Variants in IL16 observed in about 807,000 individuals in gnomAD.
The protein encoded by IL16 is interleukin 16.
IL16 carries 67 observed loss-of-function variants against 110.1 expected under a neutral mutation model. The ratio of observed to expected loss-of-function variants is 0.61; its 90% CI spans 0.50 to 0.75. The LOEUF is 0.75. Among genes scored for constraint, IL16 ranks in the 30% least tolerant of loss-of-function variants. The probability of loss-of-function intolerance (pLI) is 0.00; values close to 1 mark genes in which losing one functional copy is unlikely to be tolerated. For missense variants in IL16, 1,545 were observed against 1,655.0 expected (o/e 0.93, Z 1.15); for synonymous variants, 689 against 662.9 (o/e 1.04, Z -0.61).
At position 81,310,016 on chromosome 15, in the gene IL16, A is replaced by C. The variant is rs549895912; in HGVS notation, c.*1218A>C. On this transcript the variant is annotated 3_prime_UTR_variant, in exon 19 of 19. Transcript: ENST00000683961. ...ACAGGGAATGCCTGAGTGCCTGGCC[A>C]AAGGGATATTTGGTTTGGCCATCTC... 5 of 152,332 alleles carry C rather than the reference A, an allele frequency of 3.3e-5. No homozygotes were observed. Among genetic ancestry groups the C allele is most frequent in the African/African-American group, 7.2e-5 (3 of 41,576 alleles). 9.4% of individuals were successfully genotyped at this position (152,332 alleles called of 1,614,324 possible).
intron 8 of IL16, among the ~76,000 whole-genome samples, chr15:81,280,018 T>C (rs181027978): frequency 6.6e-6 from 1 of 152,062 alleles, no homozygotes; most frequent in East Asian, 1.9e-4. Context: ...AAAGAAAAAC[T>C]CAAACACAAA....
chr15:81,248,133 A>T (rs532261414), intron 2 of IL16, among the ~76,000 whole-genome samples: 9 of 152,318 alleles, frequency 5.9e-5, no homozygotes, highest in Non-Finnish European at 1.2e-4. Context: ...TTATGATTGA[A>T]AGCAGTTATA....
chr15:81,206,862 A>G (rs4556754), intron 1 of IL16, among the ~76,000 whole-genome samples: 21,037 of 140,514 alleles, frequency 0.15, 1,917 homozygotes, highest in East Asian at 0.39. Flanking sequence ...TTCGGGCTTT[A>G]AATAATGATG....
At chr15:81,213,824 C>G (rs2141998992) in intron 1 of IL16, among the ~76,000 whole-genome samples, 1 of 152,232 alleles carries the variant, frequency 6.6e-6, no homozygotes, top group South Asian at 2.1e-4. Flanking sequence ...GTCTTTTTAT[C>G]CAGCTTGCCC....
In IL16 at chr15:81,285,052, T is replaced by C. The variant is rs185136604; in HGVS notation, c.1200-646T>C. Among the ~76,000 whole-genome samples, 7 of 152,236 alleles carry C rather than the reference T, an allele frequency of 4.6e-5. No homozygotes were observed. In the East Asian group the frequency reaches 1.4e-3, roughly 29 times the overall value. ...GGGACTGGATTATACAAATCTTCCA[T>C]GTATCTATGTGACCCCGTGTTTCCT... On this transcript the variant is annotated intron_variant, in intron 9 of 18. Transcript: ENST00000683961.
intron 2 of IL16, among the ~76,000 whole-genome samples, chr15:81,231,368 CTCT>C (rs1567008741): frequency 8.9e-5 from 13 of 145,638 alleles, no homozygotes; most frequent in African/African-American, 3.2e-4. Context: ...CTCTCTCTCT[CTCT>C]CTCTCTCTCT....
At chr15:81,253,988 A>G (rs1234858006) in intron 2 of IL16, among the ~76,000 whole-genome samples, 2 of 152,154 alleles carry the variant, frequency 1.3e-5, no homozygotes, top group Non-Finnish European at 2.9e-5. Flanking sequence ...CCCAGAACCA[A>G]TCTGCTGGGG....
chr15:81,313,389 G>T lies in IL16; in HGVS notation c.*4591G>T. On this transcript the variant is annotated 3_prime_UTR_variant, in exon 19 of 19. Transcript: ENST00000683961. ...GGTATGGAAGAATGTGACCAGGTTG[G>T]TCTTGGTGGGTTCCCTGTGAAGGCA... 1 of 1,556,078 alleles carries T rather than the reference G, an allele frequency of 6.4e-7. No homozygotes were observed. Among genetic ancestry groups the T allele is most frequent in the Non-Finnish European group, 8.7e-7 (1 of 1,149,438 alleles).
chr15:81,197,193 C>T (rs1183987998), intron 1 of IL16, 41 bp downstream of exon 1: 10 of 1,254,286 alleles, frequency 8.0e-6, no homozygotes, highest in Non-Finnish European at 1.0e-5. Context: ...GTCCAGGTGG[C>T]CGTTACCGGA....
In IL16 at chr15:81,313,391, C is replaced by T. The variant is rs1460325913; in HGVS notation, c.*4593C>T. ...TATGGAAGAATGTGACCAGGTTGGT[C>T]TTGGTGGGTTCCCTGTGAAGGCAAC... On this transcript the variant is annotated 3_prime_UTR_variant, in exon 19 of 19. Coordinates refer to ENST00000683961, the MANE Select transcript of IL16 (RefSeq NM_172217.5). 3.2e-6 allele frequency: 5 copies of T among 1,554,050 alleles called. No homozygotes were observed. The highest frequency in any genetic ancestry group is 1.9e-5 in the Admixed American group (1 of 51,964).
At chr15:81,270,415 G>T (rs1898579736) in intron 5 of IL16, among the ~76,000 whole-genome samples, 1 of 152,090 alleles carries the variant, frequency 6.6e-6, no homozygotes, top group African/African-American at 2.4e-5. Context: ...GGACCTAATT[G>T]CTACTTATGG....
rs573604337 is a variant in IL16, at chr15:81,225,234, T to A, written c.-101-65T>A. On this transcript the variant is annotated intron_variant, in intron 1 of 18. Coordinates refer to ENST00000683961, the MANE Select transcript of IL16 (RefSeq NM_172217.5). The stretch of plus-strand genomic sequence containing the variant: ...AGAACCCGTGGCTCAGATCCAGGAC[T>A]CGTGTGCAGCTCCACTTGTCAGCAG... The A allele has an allele frequency of 1.8e-5, 24 of 1,341,144 alleles. 1 individual carries two copies. In the East Asian group the frequency reaches 6.1e-4, roughly 34 times the overall value. The allele number at this position is 1,341,144 out of a possible 1,614,324, so 83.1% of individuals were successfully genotyped here.
In IL16 at chr15:81,311,815, G is replaced by C. The variant is rs1486345379; in HGVS notation, c.*3017G>C. On this transcript the variant is annotated 3_prime_UTR_variant, in exon 19 of 19. Coordinates refer to ENST00000683961, the MANE Select transcript of IL16 (RefSeq NM_172217.5). The stretch of plus-strand genomic sequence containing the variant: ...AGAGTCTGATGATTTCTTGAAAAGG[G>C]TGTTAGCTAAAGGATCTTAGGCATG... The C allele has an allele frequency of 6.6e-6, 1 of 152,170 alleles. No homozygotes were observed. 9.4% of individuals were successfully genotyped at this position (152,170 alleles called of 1,614,324 possible). A position where few individuals can be genotyped will look rare whatever the true frequency, so the allele number is the denominator to read the frequency against.
chr15:81,265,638 GT>G lies in IL16; in HGVS notation c.422-16del. 3 of 1,611,736 alleles carry G rather than the reference GT, an allele frequency of 1.9e-6. No individual in the cohort carries two copies. The highest frequency in any genetic ancestry group is 2.5e-6 in the Non-Finnish European group (3 of 1,178,854). On this transcript the variant is annotated intron_variant, in intron 3 of 18. Transcript: ENST00000683961. ...TTGAGAGCACAAATGATTTCTTGCTGTTTTTCCTCTTCTGGTTTAGGTGTTA... is the reference window on the plus strand; with the variant it reads ...TTGAGAGCACAAATGATTTCTTGCTGTTTTCCTCTTCTGGTTTAGGTGTTA...
intron 1 of IL16, among the ~76,000 whole-genome samples, chr15:81,189,337 T>C (rs1236746522): frequency 2.0e-5 from 3 of 152,086 alleles, no homozygotes; most frequent in African/African-American, 7.2e-5. Context: ...TTGACCCAGC[T>C]TGTGTCCAAC....
chr15:81,298,659 T>G (rs1267143313), intron 13 of IL16, among the ~76,000 whole-genome samples: 4 of 152,212 alleles, frequency 2.6e-5, no homozygotes, highest in Admixed American at 6.5e-5. Context: ...ACTTCACAGA[T>G]TCCTTTCTAC....
chr15:81,273,121 A>C lies in IL16; in HGVS notation c.707A>C (p.Asp236Ala), dbSNP rs763737061. 1.2e-6 allele frequency: 2 copies of C among 1,613,628 alleles called. No homozygotes were observed. The highest frequency in any genetic ancestry group is 1.7e-6 in the Non-Finnish European group (2 of 1,179,700). Residue 236 changes from aspartate to alanine, a missense_variant, in exon 6 of 19, where the codon GAC becomes GCC. By Grantham distance (126) the Asp-to-Ala change is moderately radical. Transcript: ENST00000683961. The part of the protein sequence containing the change: ...GLGFSIVGGK[D>A]SIYGPIGIYV... ...GGCTTCAGCATCGTTGGGGGAAAAG[A>C]CAGCATTTATGGCCCCATTGGGATT... is the stretch of plus-strand genomic sequence containing the variant.
chr15:81,199,119 C>A (rs113413943), intron 1 of IL16, among the ~76,000 whole-genome samples: 1 of 148,380 alleles, frequency 6.7e-6, no homozygotes, highest in South Asian at 2.1e-4. Context: ...ATATAGGTTA[C>A]GTTTTGCTAT....
intron 5 of IL16, among the ~76,000 whole-genome samples, chr15:81,271,283 A>T (rs183331990): frequency 5.8e-4 from 87 of 150,270 alleles, no homozygotes; most frequent in Admixed American, 1.5e-3. Context: ...TAAATTAAAT[A>T]AAATAAAATA....
Sources: allele counts gnomAD v4.1 joint callset (sites outside exome capture counted in the v4.1 genomes callset), GRCh38; gene constraint gnomAD v4.1.1; transcripts MANE v1.5; gene names NCBI Gene and HGNC (gene_info 2026-07-23, HGNC 2026-07-21).